Variants in TMEFF2 observed in about 807,000 individuals in gnomAD.
TMEFF2 encodes the protein tomoregulin-2.
In TMEFF2, 28 loss-of-function variants were observed where a neutral mutation model predicts 53.8. The observed-to-expected ratio is 0.52, with a 90% confidence interval of 0.39 to 0.71. The LOEUF (loss-of-function observed/expected upper bound fraction) is 0.71. TMEFF2 is among the 30% of genes least tolerant of loss of function. The pLI is 0.00. For synonymous variants in TMEFF2, 162 were observed against 166.3 expected (o/e 0.97, Z 0.20); for missense variants, 353 against 455.2 (o/e 0.78, Z 2.04).
rs1158605736 is a variant in TMEFF2 at position 192,194,239 on chromosome 2, T to C, written c.172+114A>G. On this transcript the variant is annotated intron_variant, in intron 1 of 9. Coordinates refer to ENST00000272771, the MANE Select transcript of TMEFF2 (RefSeq NM_016192.4). The surrounding 1 kb of genome is among the most constrained non-coding windows in gnomAD (Gnocchi z 4.2). ...ATAGAGGTGGGTGGTATTAGGGGTC[T>C]AGGGCAGTAGGAGGTGAGGGGCTGA... 4.7e-6 allele frequency: 6 copies of C among 1,269,260 alleles called. No individual in the cohort carries two copies. The highest frequency in any genetic ancestry group is 6.7e-6 in the Non-Finnish European group (6 of 891,808). The allele number at this position is 1,269,260 out of a possible 1,614,324, so 78.6% of individuals were successfully genotyped here.
chr2:192,169,408 T>G (rs532982167), intron 4 of TMEFF2, among the ~76,000 whole-genome samples: 7 of 152,122 alleles, frequency 4.6e-5, no homozygotes, highest in Admixed American at 2.0e-4. Flanking sequence ...TATACTGGAG[T>G]GTCAAGTCTG....
intron 4 of TMEFF2, among the ~76,000 whole-genome samples, chr2:192,070,256 T>C (rs758419310): frequency 4.6e-5 from 7 of 151,596 alleles, no homozygotes; most frequent in Non-Finnish European, 8.9e-5. Flanking sequence ...AAGAAGCATT[T>C]TAAATGTCAA....
At chr2:192,183,176 C>T (rs1229933093) in intron 3 of TMEFF2, among the ~76,000 whole-genome samples, 1 of 151,980 alleles carries the variant, frequency 6.6e-6, no homozygotes, top group Non-Finnish European at 1.5e-5. Context: ...AAAACCAAAA[C>T]AAAACATCAT....
At chr2:192,155,217 T>C (rs1273792834) in intron 4 of TMEFF2, among the ~76,000 whole-genome samples, 1 of 151,930 alleles carries the variant, frequency 6.6e-6, no homozygotes, top group Non-Finnish European at 1.5e-5. Flanking sequence ...ATCAGCATGA[T>C]TTTGACCGAG....
chr2:192,075,314 T>TAA (rs1688400369), intron 4 of TMEFF2, among the ~76,000 whole-genome samples: 1 of 79,872 alleles, frequency 1.3e-5, no homozygotes, highest in African/African-American at 4.5e-5. Flanking sequence ...TATATATATA[T>TAA]ATATATATAT....
At chr2:192,014,366 T>A (rs1438104117) in intron 5 of TMEFF2, among the ~76,000 whole-genome samples, 1 of 152,196 alleles carries the variant, frequency 6.6e-6, no homozygotes, top group Non-Finnish European at 1.5e-5. Flanking sequence ...AGTATTAAAA[T>A]CCATATTATA....
intron 5 of TMEFF2, among the ~76,000 whole-genome samples, chr2:192,004,512 G>T (rs892011425): frequency 4.6e-5 from 7 of 152,166 alleles, no homozygotes; most frequent in Non-Finnish European, 8.8e-5. Context: ...CAGGTTCAGT[G>T]GTGTATGCCT....
intron 5 of TMEFF2, among the ~76,000 whole-genome samples, chr2:192,026,125 T>C (rs1197108820): frequency 6.6e-6 from 1 of 152,170 alleles, no homozygotes; most frequent in East Asian, 1.9e-4. Flanking sequence ...TTTTGCTCAG[T>C]TCACAGTATC....
At chr2:191,999,017 G>A (rs750315785) in intron 6 of TMEFF2, 43 bp downstream of exon 6, 1 of 1,561,460 alleles carries the variant, frequency 6.4e-7, no homozygotes, top group South Asian at 1.2e-5. Flanking sequence ...TTTGCACAAA[G>A]ACTAAAATCA....
intron 4 of TMEFF2, 183 bp downstream of exon 4, chr2:192,179,485 T>C (rs1691133296): frequency 2.2e-6 from 1 of 456,692 alleles, no homozygotes; most frequent in Non-Finnish European, 3.9e-6. Context: ...TTCATAAGTA[T>C]GCCAAATAAT....
chr2:192,011,307 CA>C (rs1255578686), intron 5 of TMEFF2, among the ~76,000 whole-genome samples: 2 of 152,194 alleles, frequency 1.3e-5, no homozygotes, highest in African/African-American at 2.4e-5. Context: ...TCCATTCATT[CA>C]CTCAACCATT....
rs770375018 is a variant in TMEFF2 at position 192,090,353 on chromosome 2, ATTAATT to A, written c.440-32584_440-32579del. Among the ~76,000 whole-genome samples the A allele has an allele frequency of 6.2e-4, 95 of 152,284 alleles. 2 individuals are homozygous for A. Among genetic ancestry groups the A allele is most frequent in the Non-Finnish European group, 1.0e-3 (70 of 68,012 alleles). ...AGAATTTTTTATGATTGTCTGTTTT[ATTAATT>A]TTAAGTGTGGAAAAAATGTACTAGT... On this transcript the variant is annotated intron_variant, in intron 4 of 9. Coordinates refer to ENST00000272771, the MANE Select transcript of TMEFF2 (RefSeq NM_016192.4).
At chr2:192,146,745 C>T (rs1364131756) in intron 4 of TMEFF2, among the ~76,000 whole-genome samples, 1 of 152,012 alleles carries the variant, frequency 6.6e-6, no homozygotes, top group Non-Finnish European at 1.5e-5. Context: ...ACAAACCATA[C>T]ATAAAAATAC....
chr2:192,140,763 A>C (rs1467741698), intron 4 of TMEFF2, among the ~76,000 whole-genome samples: 1 of 152,058 alleles, frequency 6.6e-6, no homozygotes, highest in Admixed American at 6.5e-5. Context: ...AAAACAAGAA[A>C]ATTTTCTAAT....
chr2:192,167,438 A>G (rs1419256214), intron 4 of TMEFF2, among the ~76,000 whole-genome samples: 1 of 152,186 alleles, frequency 6.6e-6, no homozygotes, highest in Non-Finnish European at 1.5e-5. Context: ...TAAAACTAAT[A>G]CAGCCTACCC....
intron 5 of TMEFF2, among the ~76,000 whole-genome samples, chr2:192,052,755 C>A (rs1051321656): frequency 6.6e-6 from 1 of 151,888 alleles, no homozygotes; most frequent in African/African-American, 2.4e-5. Flanking sequence ...TATTTTAATC[C>A]CTTTCTTCTT....
chr2:192,082,108 T>C (rs975557454), intron 4 of TMEFF2, among the ~76,000 whole-genome samples: 46 of 152,302 alleles, frequency 3.0e-4, no homozygotes, highest in African/African-American at 9.1e-4. Context: ...CCTATTTCCA[T>C]TGTTTTTAAA....
chr2:192,037,269 AAAAT>A (rs199924177), intron 5 of TMEFF2: 1,148 of 72,580 alleles, frequency 0.016, 41 homozygotes, highest in Admixed American at 0.035. Context: ...AAGACTAGCC[AAAAT>A]AAAGAAAGAA....
chr2:192,084,224 CTGATT>C (rs1688616275), intron 4 of TMEFF2, among the ~76,000 whole-genome samples: 1 of 152,122 alleles, frequency 6.6e-6, no homozygotes, highest in African/African-American at 2.4e-5. Flanking sequence ...ATTTGGAAGG[CTGATT>C]TTTTTGCTGT....
Sources: gnomAD v4.1 joint callset for allele counts (sites outside exome capture counted in the v4.1 genomes callset) on GRCh38, gnomAD v4.1.1 for gene constraint, Gnocchi (gnomAD v3.1) non-coding constraint, MANE v1.5 for transcripts, NCBI Gene and HGNC (gene_info 2026-07-23, HGNC 2026-07-21) for gene names.